The following RPA3 variants were observed in gnomAD, a reference collection of about 807,000 sequenced individuals.
RPA3 encodes replication protein A 14 kDa subunit.
Under a neutral mutation model 13.7 loss-of-function variants are expected in RPA3, and 24 were observed. The observed-to-expected ratio is 1.75, with a 90% CI of 1.27 to 2.46. The LOEUF is 2.46. RPA3 is among the 30% of genes most tolerant of loss of function. RPA3 has a pLI of 0.00. For missense variants in RPA3, 183 were observed against 151.0 expected, an observed-to-expected ratio of 1.21 and a Z score of -1.11; for synonymous variants, 59 against 51.2, an observed-to-expected ratio of 1.15 and a Z score of -0.65.
At chr7:7,640,226 G>C (rs948618024) in intron 5 of RPA3, 94 bp downstream of exon 5, 2 of 1,319,986 alleles carry the variant, frequency 1.5e-6, no homozygotes, top group South Asian at 1.2e-5. Context: ...CGCAGTGATC[G>C]GAGGCTTTCC....
At chr7:7,646,975 C>T (rs1335079510) in intron 4 of RPA3, among the ~76,000 whole-genome samples, 5 of 152,154 alleles carry the variant, frequency 3.3e-5, no homozygotes, top group African/African-American at 4.8e-5. Flanking sequence ...GTGGAGCCCT[C>T]GCCAGGGACC....
chr7:7,637,235 C>T (rs533514415), intron 7 of RPA3, among the ~76,000 whole-genome samples, 153 bp from the exon 8 acceptor site: 1 of 152,088 alleles, frequency 6.6e-6, no homozygotes, highest in African/African-American at 2.4e-5. Context: ...TTGTATTTAA[C>T]TGTGGCACCA....
chr7:7,667,454 C>T (rs959558887), intron 4 of RPA3, among the ~76,000 whole-genome samples: 1 of 152,166 alleles, frequency 6.6e-6, no homozygotes, highest in Non-Finnish European at 1.5e-5. Context: ...CAGGTCCCTT[C>T]CACTTAAATT....
intron 4 of RPA3, among the ~76,000 whole-genome samples, chr7:7,680,140 C>T (rs907725459): frequency 2.6e-5 from 4 of 152,090 alleles, no homozygotes; most frequent in Non-Finnish European, 5.9e-5. Context: ...GTAGCATTTG[C>T]CCAATGCTTT....
At chr7:7,654,362 G>T (rs1330364941) in intron 4 of RPA3, among the ~76,000 whole-genome samples, 1 of 152,186 alleles carries the variant, frequency 6.6e-6, no homozygotes, top group African/African-American at 2.4e-5. Flanking sequence ...ATTTTCTTAG[G>T]TGAAGTTGTT....
chr7:7,675,256 C>T (rs975654783), intron 4 of RPA3, among the ~76,000 whole-genome samples: 131 of 152,342 alleles, frequency 8.6e-4, no homozygotes, highest in African/African-American at 3.1e-3. Flanking sequence ...GTACTGGCAT[C>T]TTTGAAAGCA....
chr7:7,711,196 G>T (rs761952502), intron 2 of RPA3, among the ~76,000 whole-genome samples: 20 of 152,124 alleles, frequency 1.3e-4, no homozygotes, highest in Non-Finnish European at 2.6e-4. Flanking sequence ...TGGTAAACCA[G>T]GTAGAAGCTA....
chr7:7,683,854 C>G (rs1779974148), intron 4 of RPA3, among the ~76,000 whole-genome samples: 1 of 152,158 alleles, frequency 6.6e-6, no homozygotes, highest in African/African-American at 2.4e-5. Context: ...AACTCCTGAC[C>G]TCAGGTGATC....
At chr7:7,676,075 A>C (rs547177901) in intron 4 of RPA3, 3 of 398,352 alleles carry the variant, frequency 7.5e-6, no homozygotes, top group African/African-American at 6.2e-5. Context: ...TCTTTTCATC[A>C]TTCATCCCCT....
At chr7:7,649,083 AG>A (rs1308167512) in intron 4 of RPA3, among the ~76,000 whole-genome samples, 8 of 147,794 alleles carry the variant, frequency 5.4e-5, no homozygotes, top group African/African-American at 2.0e-4. Flanking sequence ...GCTTGAACCC[AG>A]GAAGTGGAGA....
At position 7,651,249 on chromosome 7, in the gene RPA3, A is replaced by G. The variant is rs141773604; in HGVS notation, c.-757-10074T>C. Reference sequence around the variant, plus strand: ...AGGATCTACAAATCCACAAAAGTATATGTTAGTACTAGAGCTAATGTTGGA... The same window carrying G: ...AGGATCTACAAATCCACAAAAGTATGTGTTAGTACTAGAGCTAATGTTGGA... On this transcript the variant is annotated intron_variant, in intron 4 of 7. Coordinates refer to ENST00000223129, the MANE Select transcript of RPA3 (RefSeq NM_002947.5). Among the ~76,000 whole-genome samples, 302 of 152,360 alleles carry G rather than the reference A, an allele frequency of 2.0e-3. 1 individual carries two copies. Among genetic ancestry groups the G allele is most frequent in the African/African-American group, 7.0e-3 (289 of 41,582 alleles).
chr7:7,700,626 G>A (rs753239105), intron 2 of RPA3, among the ~76,000 whole-genome samples: 1 of 152,138 alleles, frequency 6.6e-6, no homozygotes, highest in Non-Finnish European at 1.5e-5. Context: ...GGTGGCTCAC[G>A]CCTGTAATCC....
intron 4 of RPA3, among the ~76,000 whole-genome samples, chr7:7,679,876 A>G (rs1345962994): frequency 6.6e-6 from 1 of 151,334 alleles, no homozygotes; most frequent in Non-Finnish European, 1.5e-5. Context: ...GCCCATTTTA[A>G]AATTGGATTA....
chr7:7,698,411 G>A lies in RPA3; in HGVS notation c.-1027-11083C>T, dbSNP rs148498194. 7.9e-5 allele frequency among the ~76,000 whole-genome samples: 12 copies of A among 152,322 alleles called. No individual in the cohort carries two copies. In the East Asian group the frequency reaches 2.1e-3, roughly 27 times the overall value. On this transcript the variant is annotated intron_variant, in intron 2 of 7. Coordinates refer to ENST00000223129, the MANE Select transcript of RPA3 (RefSeq NM_002947.5). ...AACTGGTAGAAGTTTTGATTGAGAA[G>A]TAGCTGTAAGTTGACTTTCAGTGTT...
At chr7:7,657,085 CAT>C (rs1431098411) in intron 4 of RPA3, among the ~76,000 whole-genome samples, 2 of 152,064 alleles carry the variant, frequency 1.3e-5, no homozygotes, top group African/African-American at 4.8e-5. Context: ...AGCTTTTTTT[CAT>C]ATGTTTGTTG....
At chr7:7,702,433 C>T (rs971227018) in intron 2 of RPA3, among the ~76,000 whole-genome samples, 16 of 151,994 alleles carry the variant, frequency 1.1e-4, no homozygotes, top group South Asian at 2.1e-4. Flanking sequence ...GACTATAATA[C>T]GAAAATTCTG....
intron 4 of RPA3, among the ~76,000 whole-genome samples, chr7:7,674,221 A>G (rs1779683269): frequency 6.6e-6 from 1 of 152,052 alleles, no homozygotes. Flanking sequence ...ATTAACTCAT[A>G]TGGTCTTCAC....
At chr7:7,691,138 T>G (rs1305998888) in intron 2 of RPA3, among the ~76,000 whole-genome samples, 1 of 152,156 alleles carries the variant, frequency 6.6e-6, no homozygotes, top group African/African-American at 2.4e-5. Context: ...TTTCACAGTT[T>G]GTAGGGGAAA....
chr7:7,704,997 G>C (rs1780563041), intron 2 of RPA3, among the ~76,000 whole-genome samples: 1 of 152,152 alleles, frequency 6.6e-6, no homozygotes, highest in Non-Finnish European at 1.5e-5. Context: ...TACAGAAGAG[G>C]AAGGGCGCTG....
Sources: gnomAD v4.1 joint callset for allele counts (sites outside exome capture counted in the v4.1 genomes callset) on GRCh38, gnomAD v4.1.1 for gene constraint, MANE v1.5 for transcripts, NCBI Gene and HGNC (gene_info 2026-07-23, HGNC 2026-07-21) for gene names.